Variants in ZNF566 observed in about 807,000 individuals in gnomAD.
ZNF566 encodes zinc finger protein 566.
ZNF566 carries 27 observed loss-of-function variants against 32.8 expected under a neutral mutation model. The observed-to-expected ratio is 0.82, with a 90% CI of 0.61 to 1.14. The LOEUF (loss-of-function observed/expected upper bound fraction) is 1.14, where lower values mean the gene tolerates loss of function less well. Among genes scored for constraint, ZNF566 ranks in the 50% most tolerant of loss-of-function variants. The pLI is 0.00. For synonymous variants in ZNF566, 154 were observed against 159.5 expected, an observed-to-expected ratio of 0.97 and a Z score of 0.26; for missense variants, 402 against 490.4, an observed-to-expected ratio of 0.82 and a Z score of 1.70.
rs117322268 is a variant in ZNF566 at position 36,473,567 on chromosome 19, T to C, written c.10-109A>G. On this transcript the variant is annotated intron_variant, in intron 2 of 4. Transcript: ENST00000452939. ...TAGAGGAAGTAAAATATAGTGAGCA[T>C]ATGAATGTCTGGGAAGCAGTGGAGG... 1.8e-3 allele frequency: 1,845 copies of C among 1,022,786 alleles called. 50 individuals are homozygous for C. The East Asian group carries it at 0.046, about 25-fold the overall frequency. 63.4% of individuals were successfully genotyped at this position (1,022,786 alleles called of 1,614,324 possible). A position where few individuals can be genotyped will look rare whatever the true frequency, so the allele number is the denominator to read the frequency against.
intron 1 of ZNF566, 92 bp downstream of exon 1, chr19:36,489,394 C>T: frequency 3.5e-6 from 1 of 288,404 alleles, no homozygotes; most frequent in Non-Finnish European, 6.8e-6. Flanking sequence ...CAGACGCAAG[C>T]GCACGCTTTC....
chr19:36,485,650 T>G (rs2034143557), intron 1 of ZNF566, among the ~76,000 whole-genome samples: 3 of 151,170 alleles, frequency 2.0e-5, no homozygotes, highest in Non-Finnish European at 1.5e-5. Flanking sequence ...TAATCCCAGC[T>G]ACTCGGGAGG....
chr19:36,489,237 T>C (rs754840820), intron 1 of ZNF566, among the ~76,000 whole-genome samples: 1 of 152,066 alleles, frequency 6.6e-6, no homozygotes, highest in Admixed American at 6.6e-5. Context: ...GCACACACAA[T>C]GCCGCACGTG....
At chr19:36,483,181 G>T (rs2052730) in intron 1 of ZNF566, among the ~76,000 whole-genome samples, 51,659 of 152,018 alleles carry the variant, frequency 0.34, 8,913 homozygotes, top group South Asian at 0.41. Flanking sequence ...ATAGTTCATA[G>T]TTCTTGGGAA....
Position 36,450,031 on chromosome 19 carries a change from C to T in ZNF566, c.233-30G>A, listed in dbSNP as rs373989197. 263 of 1,543,306 alleles carry T rather than the reference C, an allele frequency of 1.7e-4. 1 individual carries two copies. Among genetic ancestry groups the T allele is most frequent in the Non-Finnish European group, 2.2e-4 (255 of 1,149,356 alleles). ...AAGAAAATATGAAAGTAATCACTCA[C>T]ATTTTTCTTGTTTGGGAGAAACAAA... On this transcript the variant is annotated intron_variant, in intron 4 of 4. Coordinates refer to ENST00000452939, the MANE Select transcript of ZNF566 (RefSeq NM_001145344.1).
chr19:36,479,969 T>C (rs2033985175), intron 1 of ZNF566, among the ~76,000 whole-genome samples: 1 of 152,146 alleles, frequency 6.6e-6, no homozygotes, highest in Admixed American at 6.5e-5. Context: ...AGTGCTGGGA[T>C]TACAGGTGTG....
At position 36,471,010 on chromosome 19, in the gene ZNF566, C is replaced by T. The variant is rs553623080; in HGVS notation, c.232+1901G>A. ...GATCACAAGGTCAGGAGATTGAGAT[C>T]ATCCTGGCTAACATGGTGAAACCCT... On this transcript the variant is annotated intron_variant, in intron 4 of 4. Transcript: ENST00000452939. Among the ~76,000 whole-genome samples the T allele has an allele frequency of 1.1e-4, 16 of 151,498 alleles. No homozygotes were observed. In the East Asian group the frequency reaches 2.7e-3, roughly 26 times the overall value.
chr19:36,457,925 C>G lies in ZNF566; in HGVS notation c.233-7924G>C, dbSNP rs1057463399. On this transcript the variant is annotated intron_variant, in intron 4 of 4. Transcript: ENST00000452939. ...AAACAAACAAACAAAAATCCCCTCA[C>G]ACCTGTCAGAACTGCTATTATCAAA... 2.0e-5 allele frequency among the ~76,000 whole-genome samples: 3 copies of G among 151,964 alleles called. No homozygotes were observed. The South Asian group carries it at 6.2e-4, about 32-fold the overall frequency.
At position 36,489,494 on chromosome 19, in the gene ZNF566, G is replaced by C. The variant is rs1214421160; in HGVS notation, c.-68C>G. ...CTCACCTCAGGCCTTACCAGCTTTC[G>C]AAGCAGCAGAACCCTCCCCGGCACT... On this transcript the variant is annotated 5_prime_UTR_variant, in exon 1 of 5. Coordinates refer to ENST00000452939, the MANE Select transcript of ZNF566 (RefSeq NM_001145344.1). 10 of 335,348 alleles carry C rather than the reference G, an allele frequency of 3.0e-5. No individual in the cohort carries two copies. In the East Asian group the frequency reaches 6.8e-4, roughly 23 times the overall value. 20.8% of individuals were successfully genotyped at this position (335,348 alleles called of 1,614,324 possible). A position where few individuals can be genotyped will look rare whatever the true frequency, so the allele number is the denominator to read the frequency against.
intron 1 of ZNF566, among the ~76,000 whole-genome samples, chr19:36,477,520 G>GTTTT (rs1568528944): frequency 5.4e-5 from 7 of 130,328 alleles, no homozygotes; most frequent in African/African-American, 2.1e-4. Flanking sequence ...CCAGTTTTCT[G>GTTTT]TTTCTGTTTT....
At chr19:36,483,856 G>C (rs11673325) in intron 1 of ZNF566, among the ~76,000 whole-genome samples, 31,921 of 151,870 alleles carry the variant, frequency 0.21, 3,551 homozygotes, top group South Asian at 0.36. Context: ...ACAAAAATCA[G>C]AAGTGAGGTG....
intron 4 of ZNF566, among the ~76,000 whole-genome samples, chr19:36,459,684 G>A (rs926751575): frequency 6.6e-6 from 1 of 150,552 alleles, no homozygotes; most frequent in Non-Finnish European, 1.5e-5. Context: ...CTAATTTTTT[G>A]TATTTTTAGT....
intron 4 of ZNF566, among the ~76,000 whole-genome samples, chr19:36,466,994 G>A (rs1217275529): frequency 2.6e-5 from 4 of 151,122 alleles, no homozygotes; most frequent in Non-Finnish European, 5.9e-5. Flanking sequence ...GTGTGAACCC[G>A]GGAGGTGGAG....
intron 4 of ZNF566, among the ~76,000 whole-genome samples, chr19:36,450,832 T>C (rs530590733): frequency 6.6e-6 from 1 of 152,210 alleles, no homozygotes; most frequent in African/African-American, 2.4e-5. Context: ...CTATGGATGC[T>C]TTTGCGCTAA....
At chr19:36,481,767 A>T (rs1049186682) in intron 1 of ZNF566, among the ~76,000 whole-genome samples, 1 of 152,206 alleles carries the variant, frequency 6.6e-6, no homozygotes, top group African/African-American at 2.4e-5. Context: ...ATACAAGGTT[A>T]TTGCAGCACT....
chr19:36,475,086 C>A (rs1385152539), intron 2 of ZNF566, among the ~76,000 whole-genome samples: 1 of 152,154 alleles, frequency 6.6e-6, no homozygotes, highest in Non-Finnish European at 1.5e-5. Flanking sequence ...TCCTCTATCA[C>A]CCAGGCCAAA....
rs2033045819 is a variant in ZNF566 at position 36,448,298 on chromosome 19, T to C, written c.*679A>G. Reference sequence around the variant, plus strand: ...GCAGGGACTTGTATTTTGGCATGTATTATGGCAAAATATCTAGAGGAGACT... The same window carrying C: ...GCAGGGACTTGTATTTTGGCATGTACTATGGCAAAATATCTAGAGGAGACT... On this transcript the variant is annotated 3_prime_UTR_variant, in exon 5 of 5. Coordinates refer to ENST00000452939, the MANE Select transcript of ZNF566 (RefSeq NM_001145344.1). 6.6e-6 allele frequency: 1 copy of C among 152,182 alleles called. No individual in the cohort carries two copies. Among genetic ancestry groups the C allele is most frequent in the Non-Finnish European group, 1.5e-5 (1 of 68,032 alleles). 9.4% of individuals were successfully genotyped at this position (152,182 alleles called of 1,614,324 possible). A position where few individuals can be genotyped will look rare whatever the true frequency, so the allele number is the denominator to read the frequency against.
At position 36,449,134 on chromosome 19, in the gene ZNF566, T is replaced by C. The variant is rs1216360430; in HGVS notation, c.1100A>G (p.Tyr367Cys). ...HQRIHTGEKP[Y>C]ECKICGKAYS... Reference sequence around the variant, plus strand: ...AGCCTTCCCACATATCTTACATTCATAGGGTTTCTCCCCAGTATGAATTCT... The same window carrying C: ...AGCCTTCCCACATATCTTACATTCACAGGGTTTCTCCCCAGTATGAATTCT... Residue 367 changes from tyrosine to cysteine, a missense_variant, in exon 5 of 5, where the codon TAT becomes TGT. Around this residue, in one of 3 missense-constraint regions of ZNF566, gnomAD observed 135 missense variants for 210.0 expected, o/e 0.64. Coordinates refer to ENST00000452939, the MANE Select transcript of ZNF566 (RefSeq NM_001145344.1). 2 of 1,614,006 alleles carry C rather than the reference T, an allele frequency of 1.2e-6. No homozygotes were observed. The highest frequency in any genetic ancestry group is 2.7e-5 in the African/African-American group (2 of 74,950).
At chr19:36,455,140 G>A (rs2033267310) in intron 4 of ZNF566, among the ~76,000 whole-genome samples, 2 of 152,128 alleles carry the variant, frequency 1.3e-5, no homozygotes, top group South Asian at 4.1e-4. Flanking sequence ...ATATAGGAAA[G>A]TCATCTTACA....
Sources: allele counts gnomAD v4.1 joint callset (sites outside exome capture counted in the v4.1 genomes callset), GRCh38; gene constraint gnomAD v4.1.1; regional missense constraint gnomAD v4.1.1; transcripts MANE v1.5; gene names NCBI Gene and HGNC (gene_info 2026-07-23, HGNC 2026-07-21).